Variants in PDE8A observed in about 807,000 individuals in gnomAD.
The protein encoded by PDE8A is high affinity cAMP-specific and IBMX-insensitive 3',5'-cyclic phosphodiesterase 8A.
Under a neutral mutation model 105.0 loss-of-function variants are expected in PDE8A, and 59 were observed. The observed-to-expected ratio is 0.56, with a 90% CI of 0.46 to 0.70. The LOEUF (loss-of-function observed/expected upper bound fraction) is 0.70, where lower values mean the gene tolerates loss of function less well. Among genes scored for constraint, PDE8A ranks in the 30% least tolerant of loss-of-function variants. PDE8A has a pLI of 0.00. For missense variants in PDE8A, 1,014 were observed against 1,045.9 expected (o/e 0.97, Z 0.42); for synonymous variants, 355 against 371.9 (o/e 0.95, Z 0.52).
chr15:85,035,142 G>C (rs1172668840), intron 1 of PDE8A, among the ~76,000 whole-genome samples: 1 of 148,578 alleles, frequency 6.7e-6, no homozygotes, highest in Non-Finnish European at 1.5e-5. Context: ...CTCAAAACCT[G>C]GTATTTCAGA....
chr15:85,056,263 T>C (rs1250985450), intron 1 of PDE8A, among the ~76,000 whole-genome samples: 7 of 152,312 alleles, frequency 4.6e-5, no homozygotes, highest in Non-Finnish European at 8.8e-5. Flanking sequence ...ATTTCAACTT[T>C]GGTGAATCTG....
At chr15:85,109,474 T>C (rs1248452646) in intron 12 of PDE8A, among the ~76,000 whole-genome samples, 1 of 152,228 alleles carries the variant, frequency 6.6e-6, no homozygotes, top group East Asian at 1.9e-4. Context: ...TGGTTTGCAG[T>C]TTGCCATGGA....
In PDE8A at chr15:85,136,523, C is replaced by G; in HGVS notation, c.2254-11C>G. On this transcript the variant is annotated splice_polypyrimidine_tract_variant and intron_variant, in intron 20 of 21. Coordinates refer to ENST00000394553, the MANE Select transcript of PDE8A (RefSeq NM_002605.3). ...TGTTGGGGTCTCCTGATCACATTTT[C>G]TGCTTTACAGACTGATGAAGAGAAG... The G allele has an allele frequency of 6.2e-7, 1 of 1,610,538 alleles. No individual in the cohort carries two copies. The highest frequency in any genetic ancestry group is 8.5e-7 in the Non-Finnish European group (1 of 1,178,386).
At chr15:85,052,157 C>A (rs964901446) in intron 1 of PDE8A, among the ~76,000 whole-genome samples, 3 of 152,090 alleles carry the variant, frequency 2.0e-5, no homozygotes, top group African/African-American at 4.8e-5. Context: ...TGAACTCATC[C>A]TTTTTTATGG....
At chr15:84,984,336 C>CG (rs1382573987) in intron 1 of PDE8A, among the ~76,000 whole-genome samples, 1 of 152,042 alleles carries the variant, frequency 6.6e-6, no homozygotes, top group African/African-American at 2.4e-5. Context: ...TTTTTCTAGT[C>CG]TAATATTTTT....
chr15:85,044,980 T>G (rs549827141), intron 1 of PDE8A, among the ~76,000 whole-genome samples: 44 of 152,056 alleles, frequency 2.9e-4, no homozygotes, highest in Middle Eastern at 6.8e-3. Flanking sequence ...TGGCCCCTGC[T>G]TAGCTGTAAC....
Position 85,123,052 on chromosome 15 carries a change from C to T in PDE8A, c.1953-9C>T, listed in dbSNP as rs370670153. The T allele has an allele frequency of 2.4e-5, 38 of 1,612,654 alleles. No individual in the cohort carries two copies. Among genetic ancestry groups the T allele is most frequent in the African/African-American group, 2.3e-4 (17 of 74,852 alleles). The stretch of plus-strand genomic sequence containing the variant: ...TTTGTAGCAGCCTCTAATTTGTCAT[C>T]GAAAACAGGAATGATTATCGGACAC... On this transcript the variant is annotated splice_polypyrimidine_tract_variant and intron_variant, in intron 18 of 21. Transcript: ENST00000394553.
intron 1 of PDE8A, among the ~76,000 whole-genome samples, chr15:85,047,674 C>T (rs1282703326): frequency 6.6e-6 from 1 of 152,140 alleles, no homozygotes; most frequent in Non-Finnish European, 1.5e-5. Flanking sequence ...AGGTGAGTTA[C>T]TTTTATAAGT....
Position 85,067,100 on chromosome 15 carries a change from C to T in PDE8A, c.330C>T (p.Thr110=), listed in dbSNP as rs2141459259. Residue 110 remains threonine, a synonymous_variant, in exon 3 of 22, where the codon ACC becomes ACT. Coordinates refer to ENST00000394553, the MANE Select transcript of PDE8A (RefSeq NM_002605.3). ...AAGCAGGGTTTAAGTGTACAGTTAC[C>T]AAGGAGGCTCAGGCTGTCCTTGCCT... ...CEKAGFKCTV[T]KEAQAVLACF... 6.2e-7 allele frequency: 1 copy of T among 1,613,452 alleles called. No homozygotes were observed. Among genetic ancestry groups the T allele is most frequent in the Non-Finnish European group, 8.5e-7 (1 of 1,179,462 alleles).
intron 5 of PDE8A, among the ~76,000 whole-genome samples, chr15:85,078,548 CAAAAAAAAAAA>C (rs72174562): frequency 2.1e-4 from 20 of 94,360 alleles, no homozygotes; most frequent in African/African-American, 4.4e-4. Context: ...TACTCCATCT[CAAAAAAAAAAA>C]AAAAAAAAAA....
intron 8 of PDE8A, among the ~76,000 whole-genome samples, chr15:85,091,768 G>C (rs938290778): frequency 6.6e-6 from 1 of 152,162 alleles, no homozygotes; most frequent in African/African-American, 2.4e-5. Context: ...GCAGAAGAAA[G>C]GCAGGCTCAG....
At chr15:85,012,611 A>G (rs1227947702) in intron 1 of PDE8A, among the ~76,000 whole-genome samples, 3 of 151,622 alleles carry the variant, frequency 2.0e-5, no homozygotes, top group Admixed American at 6.6e-5. Flanking sequence ...TGACGAGTTA[A>G]TGGGTGCAGC....
chr15:85,041,010 T>A (rs1424154261), intron 1 of PDE8A, among the ~76,000 whole-genome samples: 1 of 152,190 alleles, frequency 6.6e-6, no homozygotes, highest in African/African-American at 2.4e-5. Context: ...CCACCACACA[T>A]AACCCTAGAC....
intron 20 of PDE8A, among the ~76,000 whole-genome samples, chr15:85,135,534 C>T (rs1045649368): frequency 6.6e-6 from 1 of 152,174 alleles, no homozygotes; most frequent in Non-Finnish European, 1.5e-5. Flanking sequence ...CATCTGCGCT[C>T]ACCCTGTTCT....
intron 18 of PDE8A, among the ~76,000 whole-genome samples, 160 bp from the exon 19 acceptor site, chr15:85,122,901 C>T (rs2082203376): frequency 6.6e-6 from 1 of 152,122 alleles, no homozygotes; most frequent in Non-Finnish European, 1.5e-5. Flanking sequence ...GGCACTAACC[C>T]CTAACTTCCA....
At chr15:84,992,274 A>G (rs933180989) in intron 1 of PDE8A, among the ~76,000 whole-genome samples, 1 of 152,100 alleles carries the variant, frequency 6.6e-6, no homozygotes, top group South Asian at 2.1e-4. Flanking sequence ...GTCATAAGGT[A>G]TAGAAAGAGG....
chr15:85,084,947 C>T (rs1162271748), intron 6 of PDE8A, among the ~76,000 whole-genome samples: 1 of 152,180 alleles, frequency 6.6e-6, no homozygotes, highest in Non-Finnish European at 1.5e-5. Context: ...TAATCTTCAT[C>T]TCTACTGCTA....
At chr15:85,027,397 G>A (rs2080536110) in intron 1 of PDE8A, among the ~76,000 whole-genome samples, 1 of 152,198 alleles carries the variant, frequency 6.6e-6, no homozygotes. Flanking sequence ...CCTGAGCAAG[G>A]TGGTGTCTGT....
intron 5 of PDE8A, among the ~76,000 whole-genome samples, chr15:85,081,458 C>CA (rs2081465355): frequency 6.6e-6 from 1 of 152,132 alleles, no homozygotes; most frequent in Admixed American, 6.5e-5. Context: ...AGAGGCCTAG[C>CA]AAAGATGGGC....
Sources: gnomAD v4.1 joint callset for allele counts (sites outside exome capture counted in the v4.1 genomes callset) on GRCh38, gnomAD v4.1.1 for gene constraint, MANE v1.5 for transcripts, NCBI Gene and HGNC (gene_info 2026-07-23, HGNC 2026-07-21) for gene names.